NELL1: variants seen among roughly 807,000 people sequenced by gnomAD.
NELL1 encodes the protein neural EGFL like 1.
Under a neutral mutation model 107.4 loss-of-function variants are expected in NELL1, and 76 were observed. The ratio of observed to expected loss-of-function variants is 0.71; its 90% confidence interval spans 0.59 to 0.86. The LOEUF (loss-of-function observed/expected upper bound fraction) is 0.86. Among genes scored for constraint, NELL1 ranks in the 40% least tolerant of loss-of-function variants. The pLI, the probability that NELL1 is intolerant of heterozygous loss-of-function variation, is 0.00. For missense variants in NELL1, 1,024 were observed against 1,005.5 expected, an observed-to-expected ratio of 1.02 and a Z score of -0.25; for synonymous variants, 353 against 341.2, an observed-to-expected ratio of 1.03 and a Z score of -0.38.
At chr11:20,848,982 T>G (rs749180243) in intron 4 of NELL1, among the ~76,000 whole-genome samples, 8 of 152,210 alleles carry the variant, frequency 5.3e-5, no homozygotes, top group Non-Finnish European at 5.9e-5. Context: ...TAGAAACCAC[T>G]AGCTCCTTTG....
chr11:21,441,895 A>G (rs1853295131), intron 15 of NELL1, among the ~76,000 whole-genome samples: 1 of 152,186 alleles, frequency 6.6e-6, no homozygotes, highest in African/African-American at 2.4e-5. Context: ...TTCATGGAAT[A>G]TATATTTACC....
At chr11:21,465,694 G>A (rs1854012317) in intron 15 of NELL1, among the ~76,000 whole-genome samples, 1 of 152,060 alleles carries the variant, frequency 6.6e-6, no homozygotes, top group Non-Finnish European at 1.5e-5. Flanking sequence ...CAAGGAGGAT[G>A]TAGTGGATAA....
intron 13 of NELL1, among the ~76,000 whole-genome samples, chr11:21,130,935 G>A (rs1275935157): frequency 6.6e-6 from 1 of 152,118 alleles, no homozygotes; most frequent in Non-Finnish European, 1.5e-5. Context: ...AGACTGGTGG[G>A]CATTAGTGGG....
At chr11:20,866,324 C>T (rs1371644169) in intron 4 of NELL1, among the ~76,000 whole-genome samples, 4 of 152,130 alleles carry the variant, frequency 2.6e-5, no homozygotes, top group African/African-American at 7.2e-5. Context: ...GCCACAGGAC[C>T]GCCTGTTCTA....
At chr11:21,235,253 A>G (rs894760674) in intron 14 of NELL1, among the ~76,000 whole-genome samples, 3 of 152,178 alleles carry the variant, frequency 2.0e-5, no homozygotes, top group Admixed American at 2.0e-4. Flanking sequence ...GTCCATCTGT[A>G]AAAACACATT....
chr11:21,052,109 G>T (rs2102791), intron 12 of NELL1, among the ~76,000 whole-genome samples: 1 of 151,482 alleles, frequency 6.6e-6, no homozygotes, highest in Non-Finnish European at 1.5e-5. Context: ...TCTGGAGAAG[G>T]GTGTTTCAGG....
At chr11:21,436,648 A>T (rs895869591) in intron 15 of NELL1, among the ~76,000 whole-genome samples, 2 of 151,638 alleles carry the variant, frequency 1.3e-5, no homozygotes, top group Admixed American at 6.6e-5. Context: ...TTCTGCTCTG[A>T]TATTCATTAT....
At chr11:20,690,804 T>C (rs1402033207) in intron 2 of NELL1, among the ~76,000 whole-genome samples, 1 of 150,778 alleles carries the variant, frequency 6.6e-6, no homozygotes, top group Non-Finnish European at 1.5e-5. Context: ...AAGTAGTTTT[T>C]TCCAATTCTG....
intron 2 of NELL1, among the ~76,000 whole-genome samples, chr11:20,747,354 A>G (rs1191924270): frequency 6.6e-6 from 1 of 152,202 alleles, no homozygotes; most frequent in African/African-American, 2.4e-5. Context: ...GGTCAGCAAG[A>G]TAACTAGGTC....
At chr11:21,319,996 G>A (rs967205549) in intron 14 of NELL1, among the ~76,000 whole-genome samples, 4 of 150,934 alleles carry the variant, frequency 2.7e-5, no homozygotes, top group African/African-American at 9.9e-5. Flanking sequence ...ATGGGTGGAG[G>A]GAGAGTATAG....
intron 2 of NELL1, among the ~76,000 whole-genome samples, chr11:20,720,889 A>T (rs1281373209): frequency 6.6e-6 from 1 of 152,090 alleles, no homozygotes; most frequent in Non-Finnish European, 1.5e-5. Context: ...GAGGAATTGG[A>T]GATTAGGACT....
At chr11:21,550,778 G>A (rs1856559936) in intron 16 of NELL1, among the ~76,000 whole-genome samples, 1 of 152,072 alleles carries the variant, frequency 6.6e-6, no homozygotes, top group South Asian at 2.1e-4. Flanking sequence ...GTAGCGTGAT[G>A]CCTCCAGCTT....
intron 13 of NELL1, among the ~76,000 whole-genome samples, chr11:21,174,311 C>T (rs866865268): frequency 6.6e-6 from 1 of 151,848 alleles, no homozygotes; most frequent in Admixed American, 6.6e-5. Flanking sequence ...ATATTTCCCA[C>T]AAAATATATG....
chr11:20,680,218 T>A (rs1391454435), intron 2 of NELL1, among the ~76,000 whole-genome samples: 1 of 152,136 alleles, frequency 6.6e-6, no homozygotes, highest in Non-Finnish European at 1.5e-5. Context: ...TTATAGATTC[T>A]GTCAATTAGC....
chr11:20,971,579 C>T (rs8181581), intron 12 of NELL1, among the ~76,000 whole-genome samples: 9,775 of 152,116 alleles, frequency 0.064, 529 homozygotes, highest in East Asian at 0.24. Flanking sequence ...TACTGCCTGC[C>T]GTGACTCAGC....
At chr11:21,194,558 T>C (rs920231939) in intron 13 of NELL1, among the ~76,000 whole-genome samples, 4 of 152,070 alleles carry the variant, frequency 2.6e-5, no homozygotes, top group Non-Finnish European at 4.4e-5. Context: ...AAGACTGGGG[T>C]GCTAGTCCAC....
intron 15 of NELL1, among the ~76,000 whole-genome samples, chr11:21,485,485 C>G (rs910001850): frequency 6.6e-6 from 1 of 151,944 alleles, no homozygotes; most frequent in Non-Finnish European, 1.5e-5. Context: ...CTGGGTTCAA[C>G]ACTGCTGTTG....
At chr11:21,424,340 G>A (rs1345538262) in intron 15 of NELL1, among the ~76,000 whole-genome samples, 3 of 152,126 alleles carry the variant, frequency 2.0e-5, no homozygotes, top group African/African-American at 4.8e-5. Flanking sequence ...ATGCCAGCGG[G>A]CCAGGCACGG....
intron 2 of NELL1, among the ~76,000 whole-genome samples, chr11:20,727,737 A>G (rs1047810711): frequency 3.3e-5 from 5 of 152,152 alleles, no homozygotes; most frequent in Non-Finnish European, 4.4e-5. Context: ...TAGGTCTAAC[A>G]TTTAAGTCTT....
Sources: gnomAD v4.1 joint callset for allele counts (sites outside exome capture counted in the v4.1 genomes callset) on GRCh38, gnomAD v4.1.1 for gene constraint, MANE v1.5 for transcripts, NCBI Gene and HGNC (gene_info 2026-07-23, HGNC 2026-07-21) for gene names.